AIRIM: variants seen among roughly 807,000 people sequenced by gnomAD.
The protein encoded by AIRIM is AFG2 interacting ribosome maturation factor.
At chr1:37,689,867 C>T in the AIRIM span, 2 of 1,566,038 alleles carry the variant, frequency 1.3e-6, no homozygotes, top group Non-Finnish European at 1.7e-6. Context: ...AAGCAGAGGC[C>T]GGTCTTGAGT....
At chr1:37,690,026 GT>G in the AIRIM span, 14 of 1,348,944 alleles carry the variant, frequency 1.0e-5, no homozygotes, top group South Asian at 8.3e-5. Context: ...TTTTTTTTTT[GT>G]TTTTTTTTCG....
the AIRIM span, among the ~76,000 whole-genome samples, chr1:37,685,381 T>C: frequency 1.2e-4 from 16 of 132,994 alleles, no homozygotes; most frequent in Non-Finnish European, 2.2e-4. Context: ...GGCCCAAAAT[T>C]CTTTTTTTTT....
chr1:37,685,125 AG>A, the AIRIM span, among the ~76,000 whole-genome samples: 1 of 140,566 alleles, frequency 7.1e-6, no homozygotes, highest in African/African-American at 2.7e-5. Context: ...TTAAAAACAT[AG>A]GTCTTATCCT....
the AIRIM span, chr1:37,690,587 C>T: frequency 3.9e-6 from 3 of 761,026 alleles, no homozygotes; most frequent in South Asian, 2.0e-5. Context: ...TACTGAGTCG[C>T]GAAAATATAT....
the AIRIM span, among the ~76,000 whole-genome samples, chr1:37,687,461 T>TA: frequency 0.037 from 5,399 of 146,624 alleles, 328 homozygotes; most frequent in African/African-American, 0.13. Flanking sequence ...TTAAAACATT[T>TA]AAAAAAAAAA....
the AIRIM span, chr1:37,683,185 G>C: frequency 1.2e-6 from 2 of 1,605,152 alleles, no homozygotes; most frequent in Admixed American, 3.3e-5. Flanking sequence ...CAGAAAAAAT[G>C]GCATTATCAC....
the AIRIM span, among the ~76,000 whole-genome samples, chr1:37,686,749 G>A: frequency 7.9e-5 from 12 of 152,324 alleles, no homozygotes; most frequent in East Asian, 2.1e-3. Context: ...ATTAGTGACA[G>A]TGTCTTGGAG....
At chr1:37,686,279 C>G in the AIRIM span, 1 of 1,612,492 alleles carries the variant, frequency 6.2e-7, no homozygotes, top group Admixed American at 1.7e-5. Context: ...ATACGACTTT[C>G]GATAATGTCT....
the AIRIM span, among the ~76,000 whole-genome samples, chr1:37,685,355 G>T: frequency 6.7e-6 from 1 of 149,058 alleles, no homozygotes; most frequent in South Asian, 2.1e-4. Flanking sequence ...GACTATAGCT[G>T]CACACCATCA....
the AIRIM span, among the ~76,000 whole-genome samples, chr1:37,685,548 T>C: frequency 6.3e-4 from 96 of 152,012 alleles, no homozygotes; most frequent in Admixed American, 1.8e-3. Context: ...CCACCATGCC[T>C]GGCTAATTTT....
the AIRIM span, chr1:37,690,418 C>G: frequency 5.5e-6 from 7 of 1,263,228 alleles, no homozygotes; most frequent in South Asian, 9.1e-5. Flanking sequence ...TCTCCCCTGC[C>G]CGAGGCTGCC....
chr1:37,684,787 C>T, the AIRIM span, among the ~76,000 whole-genome samples: 1 of 152,078 alleles, frequency 6.6e-6, no homozygotes, highest in Non-Finnish European at 1.5e-5. Flanking sequence ...AGACCAGAGA[C>T]AAGAAAAGTT....
the AIRIM span, among the ~76,000 whole-genome samples, chr1:37,686,892 G>A: frequency 1.3e-5 from 2 of 151,930 alleles, no homozygotes; most frequent in Admixed American, 6.6e-5. Context: ...CCAAAACCCC[G>A]TCTCTACTAA....
the AIRIM span, among the ~76,000 whole-genome samples, chr1:37,684,552 G>C: frequency 1.3e-5 from 2 of 152,206 alleles, no homozygotes; most frequent in Admixed American, 1.3e-4. Context: ...TCGGGAGGTG[G>C]AGGTTGCAGT....
At chr1:37,686,136 A>C in the AIRIM span, 2 of 769,934 alleles carry the variant, frequency 2.6e-6, no homozygotes, top group Non-Finnish European at 4.0e-6. Context: ...GATTATACAA[A>C]GGAATGCAGG....
At chr1:37,683,325 C>G in the AIRIM span, 3 of 1,614,018 alleles carry the variant, frequency 1.9e-6, no homozygotes, top group African/African-American at 4.0e-5. Context: ...GTACCTTGTA[C>G]AAGATCTTGG....
the AIRIM span, chr1:37,682,931 C>T: frequency 1.6e-5 from 10 of 610,572 alleles, no homozygotes; most frequent in Admixed American, 6.0e-5. Flanking sequence ...CTCTCAGCCA[C>T]GGCCTGGCAT....
At chr1:37,681,850 AGAT>A in the AIRIM span, 2 of 152,382 alleles carry the variant, frequency 1.3e-5, no homozygotes, top group Admixed American at 1.3e-4. Context: ...AGATATAAAA[AGAT>A]GAACAAATTA....
At chr1:37,685,208 GCGGGGGGT>G in the AIRIM span, among the ~76,000 whole-genome samples, 1 of 101,002 alleles carries the variant, frequency 9.9e-6, no homozygotes, top group South Asian at 4.5e-4. Flanking sequence ...GGGGGGGTGG[GCGGGGGGT>G]GGTTTGAGAC....
Sources: allele counts gnomAD v4.1 joint callset (sites outside exome capture counted in the v4.1 genomes callset), GRCh38; gene constraint gnomAD v4.1.1; transcripts MANE v1.5; gene names NCBI Gene and HGNC (gene_info 2026-07-23, HGNC 2026-07-21).